CAMK1D: variants seen among roughly 807,000 people sequenced by gnomAD.
CAMK1D encodes the protein calcium/calmodulin dependent protein kinase ID.
Under a neutral mutation model 47.7 loss-of-function variants are expected in CAMK1D, and 9 were observed. The observed-to-expected ratio is 0.19, with a 90% confidence interval of 0.11 to 0.33. The LOEUF (loss-of-function observed/expected upper bound fraction) is 0.33, where lower values mean the gene tolerates loss of function less well. Among genes scored for constraint, CAMK1D ranks in the 10% least tolerant of loss-of-function variants. The pLI, the probability that CAMK1D is intolerant of heterozygous loss-of-function variation, is 1.00. For missense variants in CAMK1D, 291 were observed against 488.7 expected (o/e 0.60, Z 3.81); for synonymous variants, 184 against 184.9 (o/e 0.99, Z 0.04).
At chr10:12,439,776 A>C (rs143393113) in intron 1 of CAMK1D, among the ~76,000 whole-genome samples, 1 of 152,382 alleles carries the variant, frequency 6.6e-6, no homozygotes, top group Non-Finnish European at 1.5e-5. Context: ...CACGCTGCTG[A>C]TGAAGACATA....
intron 1 of CAMK1D, among the ~76,000 whole-genome samples, chr10:12,432,590 A>G (rs1407666277): frequency 6.6e-6 from 1 of 152,260 alleles, no homozygotes; most frequent in Non-Finnish European, 1.5e-5. Flanking sequence ...CAAATGAATG[A>G]GTTGAATAAA....
At chr10:12,595,606 G>A (rs74119224) in intron 2 of CAMK1D, among the ~76,000 whole-genome samples, 17,958 of 151,786 alleles carry the variant, frequency 0.12, 1,123 homozygotes, top group South Asian at 0.23. Context: ...TCCAACGTGC[G>A]TGCTCTGGGC....
chr10:12,453,224 C>T (rs1437531247), intron 1 of CAMK1D, among the ~76,000 whole-genome samples: 2 of 146,032 alleles, frequency 1.4e-5, no homozygotes, highest in Admixed American at 7.0e-5. Flanking sequence ...GAGTTTCACT[C>T]TGTCGCCTAG....
At chr10:12,803,027 C>A (rs1838555892) in intron 6 of CAMK1D, among the ~76,000 whole-genome samples, 1 of 152,202 alleles carries the variant, frequency 6.6e-6, no homozygotes, top group South Asian at 2.1e-4. Context: ...GACAAAGAGA[C>A]TAAAATTCTG....
At chr10:12,694,395 A>T (rs1446913718) in intron 3 of CAMK1D, among the ~76,000 whole-genome samples, 2 of 70,064 alleles carry the variant, frequency 2.9e-5, no homozygotes, top group African/African-American at 1.2e-4. Context: ...TATATGTTAT[A>T]TATCATATAT....
intron 3 of CAMK1D, among the ~76,000 whole-genome samples, chr10:12,757,850 C>T (rs938285166): frequency 1.6e-5 from 2 of 127,722 alleles, no homozygotes; most frequent in African/African-American, 6.2e-5. Flanking sequence ...GGGGGCCCTG[C>T]TCTTTTTTTT....
chr10:12,724,429 G>T (rs1834526686), intron 3 of CAMK1D, among the ~76,000 whole-genome samples: 1 of 152,208 alleles, frequency 6.6e-6, no homozygotes, highest in Non-Finnish European at 1.5e-5. Flanking sequence ...AGTCACTTAG[G>T]ATAGGAGTCA....
At chr10:12,481,321 A>C (rs960045153) in intron 1 of CAMK1D, among the ~76,000 whole-genome samples, 3 of 151,982 alleles carry the variant, frequency 2.0e-5, no homozygotes, top group Admixed American at 2.0e-4. Flanking sequence ...CTGTGGCCCC[A>C]CCTAGAAAGG....
intron 1 of CAMK1D, among the ~76,000 whole-genome samples, chr10:12,386,250 G>A (rs1281407702): frequency 6.6e-6 from 1 of 152,092 alleles, no homozygotes; most frequent in Non-Finnish European, 1.5e-5. Context: ...ACTAGTCTGG[G>A]CAACATAGTG....
At chr10:12,447,362 T>A (rs1445382914) in intron 1 of CAMK1D, among the ~76,000 whole-genome samples, 1 of 152,206 alleles carries the variant, frequency 6.6e-6, no homozygotes, top group Non-Finnish European at 1.5e-5. Context: ...AGGCCTCTGC[T>A]GGCCACTGGG....
At chr10:12,511,594 G>C (rs1483673616) in intron 1 of CAMK1D, among the ~76,000 whole-genome samples, 1 of 152,158 alleles carries the variant, frequency 6.6e-6, no homozygotes, top group Non-Finnish European at 1.5e-5. Context: ...CTGGGCAGCA[G>C]AGTGAGACCC....
intron 1 of CAMK1D, among the ~76,000 whole-genome samples, chr10:12,362,070 A>G (rs1488193183): frequency 6.6e-6 from 1 of 152,124 alleles, no homozygotes; most frequent in Non-Finnish European, 1.5e-5. Context: ...ACAAAAAACA[A>G]AAAAGTGTGC....
chr10:12,682,064 C>T (rs1181246765), intron 3 of CAMK1D, among the ~76,000 whole-genome samples: 1 of 152,118 alleles, frequency 6.6e-6, no homozygotes, highest in African/African-American at 2.4e-5. Context: ...CTAAAAAATA[C>T]AAAACATTAG....
chr10:12,541,730 T>C (rs1335142466), intron 1 of CAMK1D, among the ~76,000 whole-genome samples: 1 of 152,150 alleles, frequency 6.6e-6, no homozygotes, highest in African/African-American at 2.4e-5. Flanking sequence ...AAACAGGTTT[T>C]TCTGTTTGAA....
At chr10:12,355,649 A>T (rs1470599822) in intron 1 of CAMK1D, among the ~76,000 whole-genome samples, 1 of 152,060 alleles carries the variant, frequency 6.6e-6, no homozygotes, top group Non-Finnish European at 1.5e-5. Context: ...GAGGGGTGGG[A>T]AGCCCCTAGA....
intron 1 of CAMK1D, among the ~76,000 whole-genome samples, chr10:12,439,430 T>A (rs188959170): frequency 1.8e-4 from 27 of 152,326 alleles, no homozygotes; most frequent in Admixed American, 3.3e-4. Flanking sequence ...ATTATTGCTG[T>A]TAAATGGGCA....
At chr10:12,519,037 G>A (rs1373165417) in intron 1 of CAMK1D, among the ~76,000 whole-genome samples, 1 of 112,388 alleles carries the variant, frequency 8.9e-6, no homozygotes. Context: ...CCGGGCAGAG[G>A]GGCTCCTCAC....
intron 3 of CAMK1D, among the ~76,000 whole-genome samples, chr10:12,699,198 A>G (rs1361063027): frequency 6.6e-6 from 1 of 152,124 alleles, no homozygotes; most frequent in Non-Finnish European, 1.5e-5. Flanking sequence ...AAACACTTTC[A>G]TAATAGGGAG....
chr10:12,790,216 T>C (rs1646210724), intron 5 of CAMK1D, among the ~76,000 whole-genome samples: 1 of 152,264 alleles, frequency 6.6e-6, no homozygotes, highest in African/African-American at 2.4e-5. Flanking sequence ...TTGCAGTTTT[T>C]CTGTTTCACA....
Sources: gnomAD v4.1 joint callset for allele counts (sites outside exome capture counted in the v4.1 genomes callset) on GRCh38, gnomAD v4.1.1 for gene constraint, MANE v1.5 for transcripts, NCBI Gene and HGNC (gene_info 2026-07-23, HGNC 2026-07-21) for gene names.